RBM15B: variants seen among roughly 807,000 people sequenced by gnomAD.
RBM15B encodes the protein putative RNA-binding protein 15B.
RBM15B carries 11 observed loss-of-function variants against 53.3 expected under a neutral mutation model. The ratio of observed to expected loss-of-function variants is 0.21; its 90% CI spans 0.13 to 0.34. RBM15B has a LOEUF of 0.34. Among genes scored for constraint, RBM15B ranks in the 10% least tolerant of loss-of-function variants. The pLI is 1.00. For missense variants in RBM15B, 1,136 were observed against 1,250.3 expected (o/e 0.91, Z 1.38); for synonymous variants, 631 against 540.7 (o/e 1.17, Z -2.32).
rs2106641931 is a variant in RBM15B, at chr3:51,393,358, C to G, written c.1959C>G (p.Leu653=). The G allele has an allele frequency of 6.2e-7, 1 of 1,613,068 alleles. No homozygotes were observed. Among genetic ancestry groups the G allele is most frequent in the East Asian group, 2.2e-5 (1 of 44,828 alleles). ...EGTKESSSNS[L]SNSRHGAEER... is the part of the protein sequence containing the mutation. ...CCAAGGAGTCCAGCAGCAACTCCCTCAGCAACAGCAGACATGGGGCTGAGG... is the reference window on the plus strand; with the variant it reads ...CCAAGGAGTCCAGCAGCAACTCCCTGAGCAACAGCAGACATGGGGCTGAGG... Residue 653 remains leucine (L), a synonymous_variant, in exon 1 of 1, where the codon CTC becomes CTG. Transcript: ENST00000563281. This position sits in a 1 kb window ranked among gnomAD's most constrained non-coding sequence, Gnocchi z 5.6.
Position 51,395,649 on chromosome 3 carries a change from G to A in RBM15B, c.*1577G>A, listed in dbSNP as rs1184325465. 7.6e-5 allele frequency: 31 copies of A among 410,448 alleles called. No individual in the cohort carries two copies. The highest frequency in any genetic ancestry group is 1.4e-4 in the South Asian group (1 of 7,006). 25.4% of individuals were successfully genotyped at this position (410,448 alleles called of 1,614,324 possible). A position where few individuals can be genotyped will look rare whatever the true frequency, so the allele number is the denominator to read the frequency against. Reference sequence around the variant, plus strand: ...CCAGGAACTCCAGGTTCTGCTGGCCGTGGCATCCTCTCTCCAGGTCTGCTC... The same window carrying A: ...CCAGGAACTCCAGGTTCTGCTGGCCATGGCATCCTCTCTCCAGGTCTGCTC... On this transcript the variant is annotated 3_prime_UTR_variant, in exon 1 of 1. Transcript: ENST00000563281.
chr3:51,391,327 G>C lies in RBM15B; in HGVS notation c.-73G>C. 2 of 1,146,490 alleles carry C rather than the reference G, an allele frequency of 1.7e-6. No individual in the cohort carries two copies. Among genetic ancestry groups the C allele is most frequent in the Middle Eastern group, 3.6e-4 (1 of 2,812 alleles). 71.0% of individuals were successfully genotyped at this position (1,146,490 alleles called of 1,614,324 possible). On this transcript the variant is annotated 5_prime_UTR_variant, in exon 1 of 1. Transcript: ENST00000563281. This position sits in a 1 kb window ranked among gnomAD's most constrained non-coding sequence, Gnocchi z 4.5. Reference sequence around the variant, plus strand: ...CCAAGATGGCGGCGCCGGGGGCGCTGCCTCCTCGGCCGCCGCCTCCGCCGC... The same window carrying C: ...CCAAGATGGCGGCGCCGGGGGCGCTCCCTCCTCGGCCGCCGCCTCCGCCGC...
In RBM15B at chr3:51,393,683, C is replaced by A. The variant is rs782446488; in HGVS notation, c.2284C>A (p.Gln762Lys). The A allele has an allele frequency of 6.2e-7, 1 of 1,612,798 alleles. No homozygotes were observed. Among genetic ancestry groups the A allele is most frequent in the Non-Finnish European group, 8.5e-7 (1 of 1,179,462 alleles). ...CCACACTTCTGGGAGCAAGCTGACC[C>A]AGCTGAAGATCGCCCAGCGCCTTCG... ...KDHTSGSKLT[Q>K]LKIAQRLRLD... The change falls in exon 1 of 1, where the codon CAG becomes AAG. Residue 762 changes from glutamine (Q) to lysine (K), a missense_variant. Gln to Lys is a moderately conservative substitution (Grantham distance 53). Coordinates refer to ENST00000563281, the MANE Select transcript of RBM15B (RefSeq NM_013286.5). This position sits in a 1 kb window ranked among gnomAD's most constrained non-coding sequence, Gnocchi z 5.6.
At position 51,392,628 on chromosome 3, in the gene RBM15B, G is replaced by T; in HGVS notation, c.1229G>T (p.Gly410Val). 1 of 1,614,116 alleles carries T rather than the reference G, an allele frequency of 6.2e-7. No individual in the cohort carries two copies. Among genetic ancestry groups the T allele is most frequent in the Non-Finnish European group, 8.5e-7 (1 of 1,180,042 alleles). Reference sequence around the variant, plus strand: ...ATTGGTCGCAACCCCATTAAGATAGGCTATGGCAAGGCCAACCCCACCACT... The same window carrying T: ...ATTGGTCGCAACCCCATTAAGATAGTCTATGGCAAGGCCAACCCCACCACT... The part of the protein sequence containing the change: ...RVIGRNPIKI[G>V]YGKANPTTRL... The change falls in exon 1 of 1, where the codon GGC (glycine) becomes GTC (valine). Residue 410 changes from glycine to valine, a missense_variant. By Grantham distance (109) the Gly-to-Val change is moderately radical. Around this residue, in one of 7 missense-constraint regions of RBM15B, gnomAD observed 45 missense variants for 80.7 expected, o/e 0.56. Coordinates refer to ENST00000563281, the MANE Select transcript of RBM15B (RefSeq NM_013286.5). This position sits in a 1 kb window ranked among gnomAD's most constrained non-coding sequence, Gnocchi z 7.5.
rs782106242 is a variant in RBM15B, at chr3:51,392,879, G to A, written c.1480G>A (p.Glu494Lys). ...CCGCGTGGATTTTGCCAAAGCAGAGGAGACTCGGTACCCCCAGCAGTACCA... is the reference window on the plus strand; with the variant it reads ...CCGCGTGGATTTTGCCAAAGCAGAGAAGACTCGGTACCCCCAGCAGTACCA... ...RLRVDFAKAE[E>K]TRYPQQYQPS... The change falls in exon 1 of 1, where the codon GAG (glutamate) becomes AAG (lysine). Residue 494 changes from glutamate to lysine, a missense_variant. By Grantham distance (56) the Glu-to-Lys change is moderately conservative (BLOSUM62 1). This residue lies in a region of RBM15B where 578 missense variants were observed against 581.6 expected (regional missense o/e 0.99). Transcript: ENST00000563281. The surrounding 1 kb of genome is among the most constrained non-coding windows in gnomAD (Gnocchi z 7.5). 6.2e-7 allele frequency: 1 copy of A among 1,613,998 alleles called. No individual in the cohort carries two copies. Among genetic ancestry groups the A allele is most frequent in the South Asian group, 1.1e-5 (1 of 91,086 alleles).
chr3:51,391,343 C>T lies in RBM15B; in HGVS notation c.-57C>T, dbSNP rs1345587297. The stretch of plus-strand genomic sequence containing the variant: ...GGGGGCGCTGCCTCCTCGGCCGCCG[C>T]CTCCGCCGCCGCCGCTGTGAGAAAC... On this transcript the variant is annotated 5_prime_UTR_variant, in exon 1 of 1. Transcript: ENST00000563281. This position sits in a 1 kb window ranked among gnomAD's most constrained non-coding sequence, Gnocchi z 4.5. The T allele has an allele frequency of 1.2e-5, 14 of 1,181,690 alleles. No individual in the cohort carries two copies. The highest frequency in any genetic ancestry group is 1.5e-5 in the Non-Finnish European group (14 of 956,688). The allele number at this position is 1,181,690 out of a possible 1,614,324, so 73.2% of individuals were successfully genotyped here.
At position 51,393,658 on chromosome 3, in the gene RBM15B, C is replaced by T. The variant is rs1553622029; in HGVS notation, c.2259C>T (p.Asp753=). 6.2e-7 allele frequency: 1 copy of T among 1,612,750 alleles called. No individual in the cohort carries two copies. The highest frequency in any genetic ancestry group is 8.5e-7 in the Non-Finnish European group (1 of 1,179,260). The change falls in exon 1 of 1, where the codon GAC becomes GAT. Residue 753 remains aspartate, a synonymous_variant. Transcript: ENST00000563281. This position sits in a 1 kb window ranked among gnomAD's most constrained non-coding sequence, Gnocchi z 5.6. ...GGGTGATCAGCAGTCTCCTCAAAGACCACACTTCTGGGAGCAAGCTGACCC... is the reference window on the plus strand; with the variant it reads ...GGGTGATCAGCAGTCTCCTCAAAGATCACACTTCTGGGAGCAAGCTGACCC... ...DQGVISSLLK[D]HTSGSKLTQL...
In RBM15B at chr3:51,393,035, T is replaced by C; in HGVS notation, c.1636T>C (p.Leu546=). Residue 546 remains leucine (L), a synonymous_variant, in exon 1 of 1, where the codon TTG becomes CTG. Transcript: ENST00000563281. This position sits in a 1 kb window ranked among gnomAD's most constrained non-coding sequence, Gnocchi z 5.6. Reference sequence around the variant, plus strand: ...GTACTCAGACCGAGACCGGACTTTTTTGGAAGGGGACTGGACCAGCCCCAG... The same window carrying C: ...GTACTCAGACCGAGACCGGACTTTTCTGGAAGGGGACTGGACCAGCCCCAG... ...LLYSDRDRTF[L]EGDWTSPSKS... 6 of 1,613,734 alleles carry C rather than the reference T, an allele frequency of 3.7e-6. No individual in the cohort carries two copies. Among genetic ancestry groups the C allele is most frequent in the Non-Finnish European group, 5.1e-6 (6 of 1,179,978 alleles).
In RBM15B at chr3:51,394,726, TCA is replaced by T. The variant is rs2089115082; in HGVS notation, c.*655_*656del. The T allele has an allele frequency of 6.0e-6, 1 of 167,190 alleles. No homozygotes were observed. Among genetic ancestry groups the T allele is most frequent in the Non-Finnish European group, 1.5e-5 (1 of 68,160 alleles). The allele number at this position is 167,190 out of a possible 1,614,324, so 10.4% of individuals were successfully genotyped here. A position where few individuals can be genotyped will look rare whatever the true frequency, so the allele number is the denominator to read the frequency against. ...TAAACCGTGTGTGTGTCCATCATCATCAGTTTGAGCTGTGGCTGTTTGTTTGG... is the reference window on the plus strand; with the variant it reads ...TAAACCGTGTGTGTGTCCATCATCATGTTTGAGCTGTGGCTGTTTGTTTGG... On this transcript the variant is annotated 3_prime_UTR_variant, in exon 1 of 1. Transcript: ENST00000563281.
chr3:51,392,101 C>T lies in RBM15B; in HGVS notation c.702C>T (p.Ala234=), dbSNP rs1380902644. The T allele has an allele frequency of 5.2e-6, 8 of 1,544,444 alleles. No individual in the cohort carries two copies. The highest frequency in any genetic ancestry group is 4.9e-5 in the East Asian group (2 of 40,986). ...GSSRRSSSSS[A]AASTPPPGPP... ...GTCGGCGAAGTAGCAGCAGCAGCGC[C>T]GCCGCTTCCACGCCTCCCCCAGGGC... Residue 234 remains alanine (A), a synonymous_variant, in exon 1 of 1, where the codon GCC becomes GCT. Coordinates refer to ENST00000563281, the MANE Select transcript of RBM15B (RefSeq NM_013286.5). The surrounding 1 kb of genome is among the most constrained non-coding windows in gnomAD (Gnocchi z 7.5).
chr3:51,393,214 G>A lies in RBM15B; in HGVS notation c.1815G>A (p.Arg605=), dbSNP rs1366613311. 6.2e-7 allele frequency: 1 copy of A among 1,613,864 alleles called. No individual in the cohort carries two copies. Among genetic ancestry groups the A allele is most frequent in the South Asian group, 1.1e-5 (1 of 91,078 alleles). Residue 605 remains arginine, a synonymous_variant, in exon 1 of 1, where the codon AGG becomes AGA. Transcript: ENST00000563281. The surrounding 1 kb of genome is among the most constrained non-coding windows in gnomAD (Gnocchi z 5.6). ...GAAGCCTTTCCAGTGACCGTGGGAG[G>A]ACAACCCATTCACCATATGAGGAAC... ...KRRSLSSDRG[R]TTHSPYEERS...
In RBM15B at chr3:51,393,002, C is replaced by T. The variant is rs2089064832; in HGVS notation, c.1603C>T (p.His535Tyr). 6.2e-7 allele frequency: 1 copy of T among 1,613,696 alleles called. No homozygotes were observed. The highest frequency in any genetic ancestry group is 1.3e-5 in the African/African-American group (1 of 74,934). The change falls in exon 1 of 1, where the codon CAC (histidine) becomes TAC (tyrosine). Residue 535 changes from histidine to tyrosine, a missense_variant. His to Tyr is a moderately conservative substitution (Grantham distance 83). Coordinates refer to ENST00000563281, the MANE Select transcript of RBM15B (RefSeq NM_013286.5). This position sits in a 1 kb window ranked among gnomAD's most constrained non-coding sequence, Gnocchi z 5.6. ...CCTGGTGCGGGACAGGACGCCCCCA[C>T]ACCTTCTGTACTCAGACCGAGACCG... ...ADLVRDRTPP[H>Y]LLYSDRDRTF...
Position 51,391,950 on chromosome 3 carries a change from A to C in RBM15B, c.551A>C (p.Tyr184Ser). 1 of 1,601,914 alleles carries C rather than the reference A, an allele frequency of 6.2e-7. No individual in the cohort carries two copies. The highest frequency in any genetic ancestry group is 8.5e-7 in the Non-Finnish European group (1 of 1,178,886). Residue 184 changes from tyrosine to serine, a missense_variant, in exon 1 of 1, where the codon TAC becomes TCC. Tyr to Ser is a moderately radical substitution (Grantham distance 144, BLOSUM62 -2). Transcript: ENST00000563281. This position sits in a 1 kb window ranked among gnomAD's most constrained non-coding sequence, Gnocchi z 4.5. ...SHTPELGRVA[Y>S]VNFRHPQDAR... ...ACGCCTGAGCTGGGCCGTGTGGCCTACGTGAATTTCCGGCACCCACAGGAC... is the reference window on the plus strand; with the variant it reads ...ACGCCTGAGCTGGGCCGTGTGGCCTCCGTGAATTTCCGGCACCCACAGGAC...
In RBM15B at chr3:51,395,789, G is replaced by A. The variant is rs868937860; in HGVS notation, c.*1717G>A. ...CACAGGAACACTTGGCAGTGCTCTC[G>A]TAGACCCCTCGGTGATGTGGAATGG... On this transcript the variant is annotated 3_prime_UTR_variant, in exon 1 of 1. Coordinates refer to ENST00000563281, the MANE Select transcript of RBM15B (RefSeq NM_013286.5). The A allele has an allele frequency of 5.6e-5, 23 of 413,414 alleles. No individual in the cohort carries two copies. The highest frequency in any genetic ancestry group is 6.2e-4 in the Middle Eastern group (1 of 1,612). The allele number at this position is 413,414 out of a possible 1,614,324, so 25.6% of individuals were successfully genotyped here. A position where few individuals can be genotyped will look rare whatever the true frequency, so the allele number is the denominator to read the frequency against.
Position 51,391,410 on chromosome 3 carries a change from A to G in RBM15B, c.11A>G (p.Gln4Arg). The G allele has an allele frequency of 1.6e-5, 20 of 1,247,410 alleles. No homozygotes were observed. The highest frequency in any genetic ancestry group is 2.7e-5 in the South Asian group (1 of 37,196). The allele number at this position is 1,247,410 out of a possible 1,614,324, so 77.3% of individuals were successfully genotyped here. Residue 4 changes from glutamine (Q) to arginine (R), a missense_variant, in exon 1 of 1, where the codon CAG becomes CGG. Gln to Arg is a conservative substitution (Grantham distance 43). This residue lies in a region of RBM15B where 257 missense variants were observed against 261.1 expected (regional missense o/e 0.98). Transcript: ENST00000563281. The surrounding 1 kb of genome is among the most constrained non-coding windows in gnomAD (Gnocchi z 4.5). ...CGCCGCGCCAGCGCCATGAAGCGGC[A>G]GAGCGAGCGAGACTCTAGCCCGAGC... MKR[Q>R]SERDSSPSGR... is the part of the protein sequence containing the mutation.
chr3:51,394,293 T>G lies in RBM15B; in HGVS notation c.*221T>G. 1.8e-6 allele frequency: 1 copy of G among 551,654 alleles called. No individual in the cohort carries two copies. 34.2% of individuals were successfully genotyped at this position (551,654 alleles called of 1,614,324 possible). ...AGAAGGGAATCCGGTTATGTTGATT[T>G]CTAGTGTACAAGATACTGTCTGCTG... On this transcript the variant is annotated 3_prime_UTR_variant, in exon 1 of 1. Transcript: ENST00000563281.
At position 51,392,761 on chromosome 3, in the gene RBM15B, C is replaced by G. The variant is rs1553621814; in HGVS notation, c.1362C>G (p.Ser454Arg). Residue 454 changes from serine (S) to arginine (R), a missense_variant, in exon 1 of 1, where the codon AGC becomes AGG. Transcript: ENST00000563281. The surrounding 1 kb of genome is among the most constrained non-coding windows in gnomAD (Gnocchi z 7.5). ...CCATTGATCACGTCAAAGGAGATAGCTTTGCCTATATTCAGTACGAGAGCT... is the reference window on the plus strand; with the variant it reads ...CCATTGATCACGTCAAAGGAGATAGGTTTGCCTATATTCAGTACGAGAGCT... The part of the protein sequence containing the change: ...IRTIDHVKGD[S>R]FAYIQYESLD... 6.2e-7 allele frequency: 1 copy of G among 1,614,202 alleles called. No homozygotes were observed. The highest frequency in any genetic ancestry group is 8.5e-7 in the Non-Finnish European group (1 of 1,180,058).
In RBM15B at chr3:51,393,107, G is replaced by A; in HGVS notation, c.1708G>A (p.Val570Met). ...CAGCCTTGAGGGCTACAGTCGCTCA[G>A]TGCGCAGCCGGAGTGGTGAGCGTTG... ...RNSLEGYSRS[V>M]RSRSGERWGA... is the part of the protein sequence containing the mutation. Residue 570 changes from valine (V) to methionine (M), a missense_variant, in exon 1 of 1, where the codon GTG becomes ATG. Val to Met is a conservative substitution (Grantham distance 21). This residue lies in a region of RBM15B where 578 missense variants were observed against 581.6 expected (regional missense o/e 0.99). Transcript: ENST00000563281. The surrounding 1 kb of genome is among the most constrained non-coding windows in gnomAD (Gnocchi z 5.6). 2 of 1,614,088 alleles carry A rather than the reference G, an allele frequency of 1.2e-6. No homozygotes were observed. The highest frequency in any genetic ancestry group is 1.7e-6 in the Non-Finnish European group (2 of 1,180,034).
Position 51,396,257 on chromosome 3 carries a change from C to CT in RBM15B, c.*2188dup, listed in dbSNP as rs199961690. 0.024 allele frequency: 5,709 copies of CT among 241,680 alleles called. 106 individuals are homozygous for CT. The highest frequency in any genetic ancestry group is 0.037 in the Middle Eastern group (26 of 704). The allele number at this position is 241,680 out of a possible 1,614,324, so 15.0% of individuals were successfully genotyped here. A position where few individuals can be genotyped will look rare whatever the true frequency, so the allele number is the denominator to read the frequency against. The stretch of plus-strand genomic sequence containing the variant: ...ACGTGCCTAGAGAAGACACTTCAAC[C>CT]TTTGCCTTATCCAACCCCTCTTCAG... On this transcript the variant is annotated 3_prime_UTR_variant, in exon 1 of 1. Coordinates refer to ENST00000563281, the MANE Select transcript of RBM15B (RefSeq NM_013286.5).
Sources: allele counts gnomAD v4.1 joint callset, GRCh38; gene constraint gnomAD v4.1.1; regional missense constraint gnomAD v4.1.1; non-coding constraint Gnocchi (gnomAD v3.1); transcripts MANE v1.5; gene names NCBI Gene and HGNC (gene_info 2026-07-23, HGNC 2026-07-21).